Variants in NCR1 observed in about 807,000 individuals in gnomAD.
NCR1 encodes the protein NK cell-activating receptor.
NCR1 carries 30 observed loss-of-function variants against 32.5 expected under a neutral mutation model. That is an observed-to-expected ratio of 0.92 (90% CI 0.69 to 1.25). The LOEUF is 1.25. Among genes scored for constraint, NCR1 ranks in the 50% most tolerant of loss-of-function variants. The pLI is 0.00. For synonymous variants in NCR1, 169 were observed against 143.4 expected (o/e 1.18, Z -1.28); for missense variants, 369 against 380.7 (o/e 0.97, Z 0.26).
rs35890444 is a variant in NCR1, at chr19:54,912,887, C to CA, written c.*17dup. 0.026 allele frequency: 41,591 copies of CA among 1,611,146 alleles called. 4,468 individuals are homozygous for CA. The East Asian group carries it at 0.36, about 14-fold the overall frequency. On this transcript the variant is annotated 3_prime_UTR_variant, in exon 7 of 7. Coordinates refer to ENST00000291890, the MANE Select transcript of NCR1 (RefSeq NM_004829.7). The stretch of plus-strand genomic sequence containing the variant: ...GACTCTTTGAAGAATGACCATGAGA[C>CA]ACAGTGGCCATGGGTGGATCTGAAA...
upstream of NCR1, chr19:54,906,071 G>T: frequency 1.5e-6 from 2 of 1,311,836 alleles, no homozygotes; most frequent in Non-Finnish European, 2.2e-6. Flanking sequence ...AGCAGTCAAC[G>T]TGAAAGCGCT....
rs1569536504 is a variant in NCR1, at chr19:54,906,715, T to G, written c.263T>G (p.Met88Arg). The change falls in exon 3 of 7, where the codon ATG becomes AGG. Residue 88 changes from methionine (M) to arginine (R), a missense_variant. By Grantham distance (91) the Met-to-Arg change is moderately conservative. Transcript: ENST00000291890. ...INKVQFYIPD[M>R]NSRMAGQYSC... ...AAAGTCCAATTCTACATCCCGGACA[T>G]GAACTCCCGCATGGCAGGGCAATAC... The G allele has an allele frequency of 6.2e-7, 1 of 1,614,194 alleles. No individual in the cohort carries two copies. The highest frequency in any genetic ancestry group is 8.5e-7 in the Non-Finnish European group (1 of 1,180,032).
At chr19:54,923,549 G>A in the NCR1 span, 5 of 674,346 alleles carry the variant, frequency 7.4e-6, no homozygotes, top group African/African-American at 1.8e-5. Context: ...CTGTGAGAAA[G>A]TACATAGCGT....
downstream of NCR1, chr19:54,915,817 G>A (rs1260305644): frequency 6.8e-6 from 1 of 147,870 alleles, no homozygotes; most frequent in African/African-American, 2.5e-5. Flanking sequence ...ACTCCAGCCT[G>A]GGCGACAGAG....
In NCR1 at chr19:54,909,347, T is replaced by C. The variant is rs1203518990; in HGVS notation, c.458T>C (p.Phe153Ser). Reference sequence around the variant, plus strand: ...CGTCTAGACACTGCAACAAGCATGTTCTTACTGCTCAAGGAGGGAAGATCC... The same window carrying C: ...CGTCTAGACACTGCAACAAGCATGTCCTTACTGCTCAAGGAGGGAAGATCC... The part of the protein sequence containing the change: ...YCRLDTATSM[F>S]LLLKEGRSSH... Residue 153 changes from phenylalanine (F) to serine (S), a missense_variant, in exon 4 of 7, where the codon TTC becomes TCC. By Grantham distance (155) the Phe-to-Ser change is radical (BLOSUM62 -2). Transcript: ENST00000291890. 6.2e-7 allele frequency: 1 copy of C among 1,613,944 alleles called. No homozygotes were observed. Among genetic ancestry groups the C allele is most frequent in the Admixed American group, 1.7e-5 (1 of 59,982 alleles).
the NCR1 span, among the ~76,000 whole-genome samples, chr19:54,927,319 T>A: frequency 6.6e-6 from 1 of 150,900 alleles, no homozygotes; most frequent in Admixed American, 6.6e-5. Context: ...AGGTGGGGGT[T>A]GCAGTGAGCC....
At chr19:54,908,739 C>T (rs1009279424) in intron 3 of NCR1, among the ~76,000 whole-genome samples, 2 of 149,624 alleles carry the variant, frequency 1.3e-5, no homozygotes, top group African/African-American at 4.9e-5. Flanking sequence ...CCTCAATTCT[C>T]CTGCCTCAGC....
the NCR1 span, among the ~76,000 whole-genome samples, chr19:54,931,685 CA>C: frequency 0.028 from 3,628 of 129,602 alleles, 147 homozygotes; most frequent in African/African-American, 0.092. Flanking sequence ...AACTCCATCT[CA>C]AAAAAAAAAA....
chr19:54,936,934 C>T, the NCR1 span, among the ~76,000 whole-genome samples: 3 of 150,170 alleles, frequency 2.0e-5, no homozygotes, highest in South Asian at 6.3e-4. Flanking sequence ...AAAAATTCGC[C>T]GGGTGTGGTG....
downstream of NCR1, among the ~76,000 whole-genome samples, chr19:54,919,304 G>A (rs1330356207): frequency 6.6e-6 from 1 of 152,222 alleles, no homozygotes; most frequent in African/African-American, 2.4e-5. Flanking sequence ...ATGTCTGGCT[G>A]CGCTGTTATT....
chr19:54,922,408 C>T, the NCR1 span, among the ~76,000 whole-genome samples: 4 of 151,934 alleles, frequency 2.6e-5, no homozygotes, highest in Non-Finnish European at 4.4e-5. Context: ...AATGGGAAGC[C>T]GAGAGAAACG....
At chr19:54,927,322 A>C in the NCR1 span, among the ~76,000 whole-genome samples, 2 of 151,616 alleles carry the variant, frequency 1.3e-5, no homozygotes, top group African/African-American at 4.8e-5. Context: ...TGGGGGTTGC[A>C]GTGAGCCAAG....
downstream of NCR1, among the ~76,000 whole-genome samples, chr19:54,919,440 G>GA (rs1569538235): frequency 1.1e-4 from 13 of 117,952 alleles, no homozygotes; most frequent in Middle Eastern, 3.7e-3. Context: ...GAGGCAGAGA[G>GA]GGAGAGGAGA....
the NCR1 span, chr19:54,936,155 CCT>C: frequency 1.0e-6 from 1 of 971,800 alleles, no homozygotes; most frequent in Non-Finnish European, 1.6e-6. Context: ...GAATACATTC[CCT>C]GTCTGGGACG....
chr19:54,900,741 A>T, the NCR1 span, among the ~76,000 whole-genome samples: 505 of 152,248 alleles, frequency 3.3e-3, 1 homozygote, highest in African/African-American at 0.011. Context: ...ATTTTTGAAA[A>T]GTACCTTCTG....
chr19:54,903,176 TACA>T, upstream of NCR1, among the ~76,000 whole-genome samples: 1 of 151,664 alleles, frequency 6.6e-6, no homozygotes, highest in African/African-American at 2.4e-5. Context: ...CTCAAGAAGA[TACA>T]ACTAGTCTTG....
upstream of NCR1, among the ~76,000 whole-genome samples, chr19:54,905,174 C>T (rs1478129238): frequency 6.6e-6 from 1 of 152,160 alleles, no homozygotes; most frequent in Non-Finnish European, 1.5e-5. Flanking sequence ...AACTGCTTTC[C>T]ACAGTGGCTG....
chr19:54,904,966 G>T (rs184833443), upstream of NCR1, among the ~76,000 whole-genome samples: 141 of 152,302 alleles, frequency 9.3e-4, no homozygotes, highest in African/African-American at 3.2e-3. Context: ...ATATCACATT[G>T]TCTTTATCCA....
chr19:54,936,399 C>A, the NCR1 span: 197 of 1,613,956 alleles, frequency 1.2e-4, no homozygotes, highest in Non-Finnish European at 1.6e-4. Flanking sequence ...ACAGAAGTCC[C>A]GGTACGCGGT....
Sources: allele counts gnomAD v4.1 joint callset (sites outside exome capture counted in the v4.1 genomes callset), GRCh38; gene constraint gnomAD v4.1.1; transcripts MANE v1.5; gene names NCBI Gene and HGNC (gene_info 2026-07-23, HGNC 2026-07-21).